The following BTBD8 variants were observed in gnomAD, a reference collection of about 807,000 sequenced individuals.
BTBD8 encodes BTB domain containing 8.
In BTBD8, 110 loss-of-function variants were observed where a neutral mutation model predicts 162.9. The ratio of observed to expected loss-of-function variants is 0.68; its 90% CI spans 0.58 to 0.79. The LOEUF (loss-of-function observed/expected upper bound fraction) is 0.79, where lower values mean the gene tolerates loss of function less well. BTBD8 is among the 30% of genes least tolerant of loss of function. The pLI is 0.00. For synonymous variants in BTBD8, 667 were observed against 716.1 expected, an observed-to-expected ratio of 0.93 and a Z score of 1.10; for missense variants, 1,905 against 2,085.4, an observed-to-expected ratio of 0.91 and a Z score of 1.68.
At chr1:92,080,996 C>G (rs1163139904) in intron 1 of BTBD8, among the ~76,000 whole-genome samples, 1 of 152,220 alleles carries the variant, frequency 6.6e-6, no homozygotes, top group Non-Finnish European at 1.5e-5. Flanking sequence ...CTAGAAATAT[C>G]TCAACACAGG....
chr1:92,129,696 G>C lies in BTBD8; in HGVS notation c.672G>C (p.Leu224Phe). 6.2e-7 allele frequency: 1 copy of C among 1,613,868 alleles called. No homozygotes were observed. The highest frequency in any genetic ancestry group is 8.5e-7 in the Non-Finnish European group (1 of 1,179,874). The change falls in exon 5 of 18, where the codon TTG becomes TTC. Residue 224 changes from leucine to phenylalanine, a missense_variant. Leu to Phe is a conservative substitution (Grantham distance 22). Around this residue, in one of 3 missense-constraint regions of BTBD8, gnomAD observed 1,374 missense variants for 1,442.7 expected, o/e 0.95. Transcript: ENST00000636805. ...GKRFKAHRAI[L>F]SARSSYFAAM... The stretch of plus-strand genomic sequence containing the variant: ...CCCCTCTTCCCTTTAGGGCCATTTT[G>C]AGTGCCAGATCTAGTTATTTTGCTG...
At chr1:92,177,942 T>A in intron 15 of BTBD8, 44 bp downstream of exon 15, 3 of 969,080 alleles carry the variant, frequency 3.1e-6, no homozygotes, top group African/African-American at 1.7e-5. Context: ...TAGCTTTCTC[T>A]CAAAGTTAAT....
At chr1:92,146,763 C>G (rs1265980849) in intron 7 of BTBD8, among the ~76,000 whole-genome samples, 1 of 152,096 alleles carries the variant, frequency 6.6e-6, no homozygotes, top group African/African-American at 2.4e-5. Context: ...TTAAGATCCC[C>G]CCATGTCTTT....
intron 1 of BTBD8, among the ~76,000 whole-genome samples, chr1:92,086,314 G>C (rs1648158425): frequency 6.6e-6 from 1 of 152,146 alleles, no homozygotes; most frequent in South Asian, 2.1e-4. Flanking sequence ...GCCACAAGGG[G>C]TTTTAGACCC....
chr1:92,146,668 T>C (rs562179126), intron 7 of BTBD8, among the ~76,000 whole-genome samples: 1 of 152,202 alleles, frequency 6.6e-6, no homozygotes, highest in East Asian at 1.9e-4. Context: ...CTCTGTAGTT[T>C]TGTTTTTTTC....
chr1:92,133,696 C>A (rs548299722), intron 5 of BTBD8, among the ~76,000 whole-genome samples: 1 of 152,182 alleles, frequency 6.6e-6, no homozygotes, highest in African/African-American at 2.4e-5. Flanking sequence ...TCTGGCCGGG[C>A]ACAGTGGCTC....
chr1:92,153,393 A>T (rs1161716780), intron 9 of BTBD8, among the ~76,000 whole-genome samples: 1 of 152,168 alleles, frequency 6.6e-6, no homozygotes, highest in Non-Finnish European at 1.5e-5. Flanking sequence ...AAGAATATTT[A>T]ACATGGTATC....
At position 92,145,753 on chromosome 1, in the gene BTBD8, G is replaced by A. The variant is rs771461444; in HGVS notation, c.931-1427G>A. Among the ~76,000 whole-genome samples the A allele has an allele frequency of 1.1e-4, 17 of 152,086 alleles. 1 individual carries two copies. The highest frequency in any genetic ancestry group is 3.9e-4 in the African/African-American group (16 of 41,408). On this transcript the variant is annotated intron_variant, in intron 7 of 17. Coordinates refer to ENST00000636805, the MANE Select transcript of BTBD8 (RefSeq NM_001376131.1). ...TCCCAGCACTTTGGGAGGCCAAGGC[G>A]GGTGGATCACGAGACCAGGAGTTCA...
At chr1:92,147,840 A>G (rs765414549) in intron 9 of BTBD8, 54 bp downstream of exon 9, 24 of 1,419,178 alleles carry the variant, frequency 1.7e-5, no homozygotes, top group East Asian at 9.2e-5. Context: ...AGTTTATTCA[A>G]TTTTGTATAG....
intron 9 of BTBD8, among the ~76,000 whole-genome samples, chr1:92,149,438 A>G (rs1486546328): frequency 1.3e-5 from 2 of 152,216 alleles, no homozygotes; most frequent in East Asian, 3.9e-4. Context: ...AGATGGAAGC[A>G]TGACTGTTAC....
chr1:92,086,910 G>C (rs1648177285), intron 1 of BTBD8, among the ~76,000 whole-genome samples: 1 of 152,074 alleles, frequency 6.6e-6, no homozygotes, highest in Admixed American at 6.5e-5. Flanking sequence ...CCTATCCTGT[G>C]GTATTCTGTT....
rs1336303966 is a variant in BTBD8, at chr1:92,183,996, T to C, written c.5045T>C (p.Val1682Ala). Residue 1682 changes from valine to alanine, a missense_variant, in exon 18 of 18, where the codon GTT becomes GCT. By Grantham distance (64) the Val-to-Ala change is moderately conservative (BLOSUM62 0). Coordinates refer to ENST00000636805, the MANE Select transcript of BTBD8 (RefSeq NM_001376131.1). ...FEQKVESETH[V>A]TDMDFEDDQH... ...CAGAAAGTGGAATCAGAAACACATG[T>C]TACAGATATGGATTTTGAAGATGAC... 6.4e-7 allele frequency: 1 copy of C among 1,551,588 alleles called. No individual in the cohort carries two copies. Among genetic ancestry groups the C allele is most frequent in the Admixed American group, 2.0e-5 (1 of 50,984 alleles).
At chr1:92,171,337 C>A in intron 12 of BTBD8, 62 bp from the exon 13 acceptor site, 1 of 1,226,940 alleles carries the variant, frequency 8.2e-7, no homozygotes, top group Non-Finnish European at 1.1e-6. Flanking sequence ...TACTATTTTT[C>A]CTTTACTTCT....
At position 92,183,909 on chromosome 1, in the gene BTBD8, A is replaced by C; in HGVS notation, c.4958A>C (p.Asp1653Ala). Residue 1653 changes from aspartate (D) to alanine (A), a missense_variant, in exon 18 of 18, where the codon GAC becomes GCC. By Grantham distance (126) the Asp-to-Ala change is moderately radical. This residue lies in a region of BTBD8 where 517 missense variants were observed against 606.6 expected (regional missense o/e 0.85). Transcript: ENST00000636805. ...ACACTGGCACAAACCCGCATGTATG[A>C]CCATCGGCCTTCAAAAACCCTGTCT... ...CDTLAQTRMY[D>A]HRPSKTLSPI... The C allele has an allele frequency of 6.4e-7, 1 of 1,551,326 alleles. No individual in the cohort carries two copies. The highest frequency in any genetic ancestry group is 8.7e-7 in the Non-Finnish European group (1 of 1,146,902).
Position 92,171,407 on chromosome 1 carries a change from G to A in BTBD8, c.1582G>A (p.Asp528Asn). Reference sequence around the variant, plus strand: ...GCTGTTTCTTTCTACAGCTGCATTTGACAAAGGTGATGATCGAAGACTTGG... The same window carrying A: ...GCTGTTTCTTTCTACAGCTGCATTTAACAAAGGTGATGATCGAAGACTTGG... ...DQQKIQAAAF[D>N]KGDDRRLGKK... The change falls in exon 13 of 18, where the codon GAC (aspartate) becomes AAC (asparagine). Residue 528 changes from aspartate (D) to asparagine (N), a missense_variant. Coordinates refer to ENST00000636805, the MANE Select transcript of BTBD8 (RefSeq NM_001376131.1). The A allele has an allele frequency of 6.5e-7, 1 of 1,538,806 alleles. No homozygotes were observed. The highest frequency in any genetic ancestry group is 8.8e-7 in the Non-Finnish European group (1 of 1,140,450).
intron 5 of BTBD8, among the ~76,000 whole-genome samples, chr1:92,132,778 C>T (rs1343551876): frequency 6.6e-6 from 1 of 152,156 alleles, no homozygotes; most frequent in Non-Finnish European, 1.5e-5. Flanking sequence ...TGGAGGCTCA[C>T]CTCTAATTGG....
At chr1:92,125,629 G>T in intron 4 of BTBD8, 1 of 287,540 alleles carries the variant, frequency 3.5e-6, no homozygotes, top group South Asian at 3.5e-5. Context: ...GGAGGAAGAT[G>T]CCACATCATA....
chr1:92,156,234 A>G (rs946199862), intron 9 of BTBD8, among the ~76,000 whole-genome samples: 8 of 152,226 alleles, frequency 5.3e-5, no homozygotes, highest in African/African-American at 9.6e-5. Flanking sequence ...ATTGATTTAC[A>G]TATGTTAAAT....
Position 92,181,361 on chromosome 1 carries a change from T to C in BTBD8, c.3678T>C (p.Thr1226=). 6.4e-6 allele frequency: 10 copies of C among 1,551,626 alleles called. No individual in the cohort carries two copies. The highest frequency in any genetic ancestry group is 8.7e-6 in the Non-Finnish European group (10 of 1,146,960). The change falls in exon 17 of 18, where the codon ACT becomes ACC. Residue 1226 remains threonine (T), a synonymous_variant. Coordinates refer to ENST00000636805, the MANE Select transcript of BTBD8 (RefSeq NM_001376131.1). ...CAGAATCTCCAGAGAGCCATGAAACTCCAGAAACTCCATTTGTGGGTCACT... is the reference window on the plus strand; with the variant it reads ...CAGAATCTCCAGAGAGCCATGAAACCCCAGAAACTCCATTTGTGGGTCACT... ...ETSESPESHE[T]PETPFVGHWN...
Sources: gnomAD v4.1 joint callset for allele counts (sites outside exome capture counted in the v4.1 genomes callset) on GRCh38, gnomAD v4.1.1 for gene constraint, gnomAD v4.1.1 regional missense constraint, MANE v1.5 for transcripts, NCBI Gene and HGNC (gene_info 2026-07-23, HGNC 2026-07-21) for gene names.